CYB561A3: variants seen among roughly 807,000 people sequenced by gnomAD.
The protein encoded by CYB561A3 is lysosomal membrane ascorbate-dependent ferrireductase CYB561A3.
In CYB561A3, 16 loss-of-function variants were observed where a neutral mutation model predicts 25.3. The ratio of observed to expected loss-of-function variants is 0.63; its 90% CI spans 0.43 to 0.96. The LOEUF (loss-of-function observed/expected upper bound fraction) is 0.96. CYB561A3 is among the 40% of genes least tolerant of loss of function. The pLI is 0.00. For synonymous variants in CYB561A3, 131 were observed against 129.9 expected (o/e 1.01, Z -0.06); for missense variants, 219 against 307.5 (o/e 0.71, Z 2.15).
chr11:61,354,173 G>A (rs1265824250), intron 3 of CYB561A3, 181 bp from the exon 4 acceptor site: 2 of 665,008 alleles, frequency 3.0e-6, no homozygotes, highest in Middle Eastern at 4.2e-4. Flanking sequence ...CAGCCATGAA[G>A]GGAGGAGAGA....
Position 61,350,841 on chromosome 11 carries a change from C to T in CYB561A3, c.705+150G>A. 4 of 1,155,164 alleles carry T rather than the reference C, an allele frequency of 3.5e-6. No homozygotes were observed. The South Asian group carries it at 6.8e-5, about 20-fold the overall frequency. 71.6% of individuals were successfully genotyped at this position (1,155,164 alleles called of 1,614,324 possible). ...TGCGCTGGTTTGGGACCAGTGCTCCCCATCAGCCACCCTAACTCCACCCTC... is the reference window on the plus strand; with the variant it reads ...TGCGCTGGTTTGGGACCAGTGCTCCTCATCAGCCACCCTAACTCCACCCTC... On this transcript the variant is annotated intron_variant, in intron 6 of 6. Coordinates refer to ENST00000294072, the MANE Select transcript of CYB561A3 (RefSeq NM_153611.6).
intron 3 of CYB561A3, 51 bp downstream of exon 3, chr11:61,356,479 C>T (rs371792294): frequency 2.5e-6 from 4 of 1,579,222 alleles, no homozygotes; most frequent in East Asian, 2.3e-5. Context: ...GAAAGTGCAG[C>T]TTTGTCCAGC....
At chr11:61,352,779 C>G in intron 5 of CYB561A3, 2 of 1,424,680 alleles carry the variant, frequency 1.4e-6, no homozygotes, top group South Asian at 3.0e-5. Flanking sequence ...ACAGCAGGTG[C>G]TAAATCAAAC....
At position 61,359,427 on chromosome 11, in the gene CYB561A3, T is replaced by TAA. The variant is rs1256229390; in HGVS notation, c.-111-1601_-111-1600dup. On this transcript the variant is annotated intron_variant, in intron 1 of 6. Coordinates refer to ENST00000294072, the MANE Select transcript of CYB561A3 (RefSeq NM_153611.6). ...CGTTTCAGATCACCAGATATTCACCTAAAACACTCTCCATCCCTCAGTGAA... is the reference window on the plus strand; with the variant it reads ...CGTTTCAGATCACCAGATATTCACCTAAAAAACACTCTCCATCCCTCAGTGAA... 8.4e-4 allele frequency: 128 copies of TAA among 152,144 alleles called. 4 individuals carry two copies. The South Asian group carries it at 0.026, about 31-fold the overall frequency. 9.4% of individuals were successfully genotyped at this position (152,144 alleles called of 1,614,324 possible). A position where few individuals can be genotyped will look rare whatever the true frequency, so the allele number is the denominator to read the frequency against.
At chr11:61,354,073 T>C (rs1330837560) in intron 3 of CYB561A3, 81 bp from the exon 4 acceptor site, 23 of 1,435,638 alleles carry the variant, frequency 1.6e-5, no homozygotes, top group Non-Finnish European at 2.0e-5. Context: ...GATAGGATCC[T>C]ACACAGCTTC....
rs545570686 is a variant in CYB561A3, at chr11:61,351,094, T to C, written c.602A>G (p.Asn201Ser). 8.7e-6 allele frequency: 14 copies of C among 1,613,886 alleles called. No individual in the cohort carries two copies. The highest frequency in any genetic ancestry group is 1.2e-5 in the Non-Finnish European group (14 of 1,179,922). ...HSLPSEAVFA[N>S]STGMLVVAFG... The stretch of plus-strand genomic sequence containing the variant: ...GGCCACCACCAGCATCCCGGTGCTG[T>C]TGGCAAAGACCGCCTCACTGGGCAG... The change falls in exon 6 of 7, where the codon AAC (asparagine) becomes AGC (serine). Residue 201 changes from asparagine (N) to serine (S), a missense_variant. Asn to Ser is a conservative substitution (Grantham distance 46). Coordinates refer to ENST00000294072, the MANE Select transcript of CYB561A3 (RefSeq NM_153611.6).
intron 2 of CYB561A3, 29 bp from the exon 3 acceptor site, chr11:61,356,757 A>G (rs1398375573): frequency 6.2e-7 from 1 of 1,607,694 alleles, no homozygotes; most frequent in Non-Finnish European, 8.5e-7. Flanking sequence ...ACAAATCTCC[A>G]CTGGCTCAGA....
chr11:61,349,913 T>G lies in CYB561A3; in HGVS notation c.*486A>C, dbSNP rs1458180803. The G allele has an allele frequency of 2.0e-6, 1 of 509,858 alleles. No individual in the cohort carries two copies. The highest frequency in any genetic ancestry group is 3.6e-6 in the Non-Finnish European group (1 of 279,108). 31.6% of individuals were successfully genotyped at this position (509,858 alleles called of 1,614,324 possible). On this transcript the variant is annotated 3_prime_UTR_variant, in exon 7 of 7. Coordinates refer to ENST00000294072, the MANE Select transcript of CYB561A3 (RefSeq NM_153611.6). ...GACGGACACCTCACCTCCCTCATGT[T>G]TCACACCGTGGACTGCACTTGAGTC...
intron 2 of CYB561A3, chr11:61,357,086 A>G: frequency 7.0e-7 from 1 of 1,438,478 alleles, no homozygotes. Flanking sequence ...CATACCCCCC[A>G]GGAAAAAAGG....
At chr11:61,350,830 A>C in intron 6 of CYB561A3, 161 bp downstream of exon 6, 1 of 1,019,034 alleles carries the variant, frequency 9.8e-7, no homozygotes, top group Non-Finnish European at 1.4e-6. Context: ...CTGGTTTGGG[A>C]CCAGTGCTCC....
In CYB561A3 at chr11:61,349,871, C is replaced by G; in HGVS notation, c.*528G>C. On this transcript the variant is annotated 3_prime_UTR_variant, in exon 7 of 7. Coordinates refer to ENST00000294072, the MANE Select transcript of CYB561A3 (RefSeq NM_153611.6). ...CGGGGCAGCCTAACTGAAATGCACA[C>G]CTTTATGGGGGAAGTGGACGGACAC... 1 of 557,398 alleles carries G rather than the reference C, an allele frequency of 1.8e-6. No individual in the cohort carries two copies. The allele number at this position is 557,398 out of a possible 1,614,324, so 34.5% of individuals were successfully genotyped here. A position where few individuals can be genotyped will look rare whatever the true frequency, so the allele number is the denominator to read the frequency against.
rs564142831 is a variant in CYB561A3 at position 61,355,214 on chromosome 11, A to G, written c.185-1222T>C. On this transcript the variant is annotated intron_variant, in intron 3 of 6. Transcript: ENST00000294072. ...CAATTTCCTCATCTGTAAAAGGGAT[A>G]TAACAGAGCCCACCTCACAAACTTG... 2.0e-5 allele frequency among the ~76,000 whole-genome samples: 3 copies of G among 152,292 alleles called. No individual in the cohort carries two copies. In the South Asian group the frequency reaches 6.2e-4, roughly 32 times the overall value.
At chr11:61,355,816 A>G (rs893093342) in intron 3 of CYB561A3, among the ~76,000 whole-genome samples, 2 of 152,144 alleles carry the variant, frequency 1.3e-5, no homozygotes, top group African/African-American at 4.8e-5. Context: ...CAGGTCGGGC[A>G]TGATGGCTCA....
At chr11:61,360,196 A>T (rs1470650786) in intron 1 of CYB561A3, 3 of 152,146 alleles carry the variant, frequency 2.0e-5, no homozygotes, top group African/African-American at 7.2e-5. Context: ...CCGAGATCGC[A>T]CCACTGCACT....
In CYB561A3 at chr11:61,349,438, C is replaced by T; in HGVS notation, c.*961G>A. On this transcript the variant is annotated 3_prime_UTR_variant, in exon 7 of 7. Transcript: ENST00000294072. ...GCCAAGAGAGCAAGGCCAGACCTGC[C>T]CAGCGGGAGGCAGGAAGGCCCTGAT... The T allele has an allele frequency of 1.5e-6, 1 of 663,634 alleles. No individual in the cohort carries two copies. The highest frequency in any genetic ancestry group is 2.8e-6 in the Non-Finnish European group (1 of 361,526). 41.1% of individuals were successfully genotyped at this position (663,634 alleles called of 1,614,324 possible). A position where few individuals can be genotyped will look rare whatever the true frequency, so the allele number is the denominator to read the frequency against.
At position 61,350,306 on chromosome 11, in the gene CYB561A3, C is replaced by T; in HGVS notation, c.*93G>A. 6.6e-7 allele frequency: 1 copy of T among 1,521,078 alleles called. No individual in the cohort carries two copies. Among genetic ancestry groups the T allele is most frequent in the Non-Finnish European group, 8.9e-7 (1 of 1,123,678 alleles). 94.2% of individuals were successfully genotyped at this position (1,521,078 alleles called of 1,614,324 possible). ...CCCAGCATTGGAAGAAAGTCGCCTG[C>T]TGAAACCAGCCGGGAGCCCTGGGAA... On this transcript the variant is annotated 3_prime_UTR_variant, in exon 7 of 7. Coordinates refer to ENST00000294072, the MANE Select transcript of CYB561A3 (RefSeq NM_153611.6).
chr11:61,359,018 G>GT (rs1857745493), intron 1 of CYB561A3: 1 of 152,242 alleles, frequency 6.6e-6, no homozygotes, highest in South Asian at 2.1e-4. Flanking sequence ...GAGGTCAGGA[G>GT]TTTGAGACCA....
At chr11:61,352,898 G>T in intron 5 of CYB561A3, 87 bp downstream of exon 5, 5 of 1,605,228 alleles carry the variant, frequency 3.1e-6, no homozygotes, top group Non-Finnish European at 4.2e-6. Context: ...CTCCTCCCTT[G>T]GGTGAGTCCT....
At chr11:61,351,227 CAG>C (rs1392636838) in intron 5 of CYB561A3, 80 bp from the exon 6 acceptor site, 2 of 1,441,912 alleles carry the variant, frequency 1.4e-6, no homozygotes, top group East Asian at 2.6e-5. Context: ...ATGTCACTAA[CAG>C]AGGGTGAGAA....
Sources: gnomAD v4.1 joint callset for allele counts (sites outside exome capture counted in the v4.1 genomes callset) on GRCh38, gnomAD v4.1.1 for gene constraint, MANE v1.5 for transcripts, NCBI Gene and HGNC (gene_info 2026-07-23, HGNC 2026-07-21) for gene names.